The following SLC25A21 variants were observed in gnomAD, a reference collection of about 807,000 sequenced individuals.
SLC25A21 encodes the protein solute carrier family 25 member 21.
SLC25A21 carries 47 observed loss-of-function variants against 43.8 expected under a neutral mutation model. The observed-to-expected ratio is 1.07, with a 90% CI of 0.85 to 1.37. SLC25A21 has a LOEUF of 1.37. SLC25A21 is among the 40% of genes most tolerant of loss of function. The probability of loss-of-function intolerance (pLI) is 0.00; values close to 1 mark genes in which losing one functional copy is unlikely to be tolerated. For missense variants in SLC25A21, 352 were observed against 350.2 expected, an observed-to-expected ratio of 1.00 and a Z score of -0.04; for synonymous variants, 131 against 121.3, an observed-to-expected ratio of 1.08 and a Z score of -0.52.
chr14:36,861,104 T>C (rs1285363801), intron 2 of SLC25A21, among the ~76,000 whole-genome samples: 2 of 152,208 alleles, frequency 1.3e-5, no homozygotes, highest in Non-Finnish European at 2.9e-5. Context: ...AGCTGTGCCC[T>C]GACTGCAAAG....
chr14:37,149,016 C>T (rs1963714089), intron 1 of SLC25A21, among the ~76,000 whole-genome samples: 1 of 152,150 alleles, frequency 6.6e-6, no homozygotes, highest in Non-Finnish European at 1.5e-5. Context: ...GCAATTCTCC[C>T]CACTTTGGCC....
At chr14:37,071,679 G>T (rs892424261) in intron 1 of SLC25A21, among the ~76,000 whole-genome samples, 2 of 152,132 alleles carry the variant, frequency 1.3e-5, no homozygotes, top group Non-Finnish European at 2.9e-5. Flanking sequence ...ATACATTCTG[G>T]TTACTCAAGA....
chr14:36,678,942 T>TAA lies in SLC25A21; in HGVS notation c.*1714_*1715dup, dbSNP rs981569842. The TAA allele has an allele frequency of 8.2e-6, 8 of 981,098 alleles. No individual in the cohort carries two copies. The highest frequency in any genetic ancestry group is 1.1e-4 in the East Asian group (1 of 8,828). The allele number at this position is 981,098 out of a possible 1,614,324, so 60.8% of individuals were successfully genotyped here. A position where few individuals can be genotyped will look rare whatever the true frequency, so the allele number is the denominator to read the frequency against. On this transcript the variant is annotated 3_prime_UTR_variant, in exon 10 of 10. Coordinates refer to ENST00000331299, the MANE Select transcript of SLC25A21 (RefSeq NM_030631.4). ...AGGAAAATAGGATGGATTAAAGGGT[T>TAA]AACTTTTAAAGATTATTATTGGTTA...
At chr14:36,750,740 G>T (rs189116447) in intron 3 of SLC25A21, among the ~76,000 whole-genome samples, 1 of 152,028 alleles carries the variant, frequency 6.6e-6, no homozygotes, top group African/African-American at 2.4e-5. Context: ...ACTCTATCAC[G>T]CTAATGAAGT....
chr14:37,032,983 GAACACATATGAAAT>G (rs1961251918), intron 1 of SLC25A21, among the ~76,000 whole-genome samples: 1 of 152,028 alleles, frequency 6.6e-6, no homozygotes, highest in African/African-American at 2.4e-5. Context: ...TATTAAAAAA[GAACACATATGAAAT>G]TTACCAACTT....
In SLC25A21 at chr14:36,678,271, C is replaced by T. The variant is rs1882001537; in HGVS notation, c.*2387G>A. The T allele has an allele frequency of 3.5e-6, 2 of 565,028 alleles. No individual in the cohort carries two copies. The highest frequency in any genetic ancestry group is 3.2e-6 in the Non-Finnish European group (1 of 316,354). 35.0% of individuals were successfully genotyped at this position (565,028 alleles called of 1,614,324 possible). Reference sequence around the variant, plus strand: ...GTAAACAGTAAGCAGATTTCTGACACACAAATTATGTTAGAGTGACTGCTT... The same window carrying T: ...GTAAACAGTAAGCAGATTTCTGACATACAAATTATGTTAGAGTGACTGCTT... On this transcript the variant is annotated 3_prime_UTR_variant, in exon 10 of 10. Transcript: ENST00000331299.
chr14:36,891,019 G>A (rs931116648), intron 1 of SLC25A21, among the ~76,000 whole-genome samples: 7 of 152,100 alleles, frequency 4.6e-5, no homozygotes, highest in Admixed American at 3.3e-4. Flanking sequence ...ACTTGTAATC[G>A]ACAGTATTAA....
chr14:36,697,215 C>T (rs1594497898), intron 7 of SLC25A21, among the ~76,000 whole-genome samples: 1 of 152,236 alleles, frequency 6.6e-6, no homozygotes, highest in Middle Eastern at 3.4e-3. Context: ...TGTACTTGTG[C>T]AGTTTTGAGT....
chr14:36,844,133 T>C (rs1324807545), intron 2 of SLC25A21, among the ~76,000 whole-genome samples: 2 of 152,224 alleles, frequency 1.3e-5, no homozygotes, highest in African/African-American at 4.8e-5. Flanking sequence ...AGGCAGACTT[T>C]AACACGCTAC....
chr14:36,678,614 T>C lies in SLC25A21; in HGVS notation c.*2044A>G. 2.2e-6 allele frequency: 3 copies of C among 1,340,548 alleles called. No homozygotes were observed. The South Asian group carries it at 6.9e-5, about 31-fold the overall frequency. 83.0% of individuals were successfully genotyped at this position (1,340,548 alleles called of 1,614,324 possible). On this transcript the variant is annotated 3_prime_UTR_variant, in exon 10 of 10. Transcript: ENST00000331299. ...GAAAAACTGATGTAAGGTACAGAAC[T>C]ATTCTTTATCAAATGTTTTTAGGTG...
At chr14:37,009,012 G>T (rs17105941) in intron 1 of SLC25A21, among the ~76,000 whole-genome samples, 14,072 of 152,072 alleles carry the variant, frequency 0.093, 2,163 homozygotes, top group African/African-American at 0.32. Context: ...GAGGAATCCG[G>T]GGTCCCAGGT....
At chr14:37,165,713 T>C (rs1199786804) in intron 1 of SLC25A21, among the ~76,000 whole-genome samples, 1 of 152,124 alleles carries the variant, frequency 6.6e-6, no homozygotes, top group Non-Finnish European at 1.5e-5. Flanking sequence ...TCACAGACCC[T>C]GGGAGGTTCT....
chr14:37,172,313 G>A lies in SLC25A21; in HGVS notation c.38C>T (p.Ala13Val), dbSNP rs1193083383. Residue 13 changes from alanine to valine, a missense_variant, in exon 1 of 10, where the codon GCT becomes GTT. Coordinates refer to ENST00000331299, the MANE Select transcript of SLC25A21 (RefSeq NM_030631.4). Reference sequence around the variant, plus strand: ...ACCACCGGCCACGATCTGCCGAGAAGCCTCGCGCACTAAGCTGACTTCAGG... The same window carrying A: ...ACCACCGGCCACGATCTGCCGAGAAACCTCGCGCACTAAGCTGACTTCAGG... Reference protein sequence around the residue: ...AKPEVSLVREASRQIVAGGSA... With the variant: ...AKPEVSLVREVSRQIVAGGSA... The A allele has an allele frequency of 6.2e-7, 1 of 1,602,910 alleles. No homozygotes were observed. Among genetic ancestry groups the A allele is most frequent in the Admixed American group, 1.7e-5 (1 of 58,684 alleles).
At chr14:36,918,088 G>T (rs371796165) in intron 1 of SLC25A21, among the ~76,000 whole-genome samples, 1 of 152,126 alleles carries the variant, frequency 6.6e-6, no homozygotes, top group South Asian at 2.1e-4. Context: ...GTGACTCTGC[G>T]ATGCAGATGA....
intron 1 of SLC25A21, among the ~76,000 whole-genome samples, chr14:37,001,383 A>G (rs1334723990): frequency 6.6e-6 from 1 of 152,126 alleles, no homozygotes; most frequent in Admixed American, 6.6e-5. Flanking sequence ...TGATGCCCAG[A>G]GAAGTTAAAT....
At chr14:36,965,622 C>T (rs1959595806) in intron 1 of SLC25A21, among the ~76,000 whole-genome samples, 1 of 152,040 alleles carries the variant, frequency 6.6e-6, no homozygotes. Context: ...TTATTAATTC[C>T]TATTAGAAAT....
At chr14:36,936,495 G>A (rs1002207996) in intron 1 of SLC25A21, among the ~76,000 whole-genome samples, 5 of 152,086 alleles carry the variant, frequency 3.3e-5, no homozygotes, top group Non-Finnish European at 7.4e-5. Context: ...TTCCATGTTT[G>A]GTAACTAATG....
intron 1 of SLC25A21, among the ~76,000 whole-genome samples, chr14:37,041,708 T>C (rs1414534971): frequency 6.6e-6 from 1 of 152,202 alleles, no homozygotes; most frequent in Admixed American, 6.5e-5. Context: ...AGTCCAGCCA[T>C]GTGCTTAAAT....
chr14:36,785,859 A>G (rs148533698), intron 3 of SLC25A21, among the ~76,000 whole-genome samples: 6 of 152,342 alleles, frequency 3.9e-5, no homozygotes, highest in African/African-American at 7.2e-5. Flanking sequence ...AAGTCCCACC[A>G]TGGTTAAGTT....
Sources: allele counts gnomAD v4.1 joint callset (sites outside exome capture counted in the v4.1 genomes callset), GRCh38; gene constraint gnomAD v4.1.1; transcripts MANE v1.5; gene names NCBI Gene and HGNC (gene_info 2026-07-23, HGNC 2026-07-21).